The following ATP2C1 variants were observed in gnomAD, a reference collection of about 807,000 sequenced individuals.
The protein encoded by ATP2C1 is calcium-transporting ATPase type 2C member 1.
ATP2C1 carries 31 observed loss-of-function variants against 120.5 expected under a neutral mutation model. The observed-to-expected ratio is 0.26, with a 90% CI of 0.19 to 0.35. The LOEUF (loss-of-function observed/expected upper bound fraction) is 0.35, where lower values mean the gene tolerates loss of function less well. Among genes scored for constraint, ATP2C1 ranks in the 10% least tolerant of loss-of-function variants. The probability of loss-of-function intolerance (pLI) is 1.00; values close to 1 mark genes in which losing one functional copy is unlikely to be tolerated. For synonymous variants in ATP2C1, 351 were observed against 358.7 expected, an observed-to-expected ratio of 0.98 and a Z score of 0.24; for missense variants, 731 against 1,107.5, an observed-to-expected ratio of 0.66 and a Z score of 4.83.
intron 2 of ATP2C1, among the ~76,000 whole-genome samples, chr3:130,926,118 C>T (rs913709536): frequency 6.6e-6 from 1 of 152,112 alleles, no homozygotes; most frequent in Non-Finnish European, 1.5e-5. Context: ...CAGTGGTGAT[C>T]CAATTTCTTC....
intron 1 of ATP2C1, among the ~76,000 whole-genome samples, chr3:130,867,501 G>C (rs1387419712): frequency 6.7e-6 from 1 of 148,700 alleles, no homozygotes; most frequent in South Asian, 2.2e-4. Flanking sequence ...TGTGTTGGCC[G>C]GGCTGGTCTC....
intron 25 of ATP2C1, 124 bp downstream of exon 25, chr3:130,997,877 A>G (rs2062703852): frequency 3.1e-6 from 3 of 965,222 alleles, no homozygotes; most frequent in East Asian, 2.4e-5. Flanking sequence ...TGAAAAATAT[A>G]AGAACATTTT....
chr3:130,903,435 T>G (rs1028661228), intron 2 of ATP2C1, among the ~76,000 whole-genome samples: 1 of 152,008 alleles, frequency 6.6e-6, no homozygotes, highest in African/African-American at 2.4e-5. Flanking sequence ...GTTATTTAGG[T>G]CTGGAAGCAC....
chr3:130,941,104 A>G (rs768655088), intron 7 of ATP2C1, among the ~76,000 whole-genome samples: 2 of 151,510 alleles, frequency 1.3e-5, no homozygotes, highest in Non-Finnish European at 2.9e-5. Flanking sequence ...TTTAGTAGAG[A>G]CAGGTTTCAC....
At chr3:130,958,172 A>T (rs1458915893) in intron 11 of ATP2C1, among the ~76,000 whole-genome samples, 3 of 152,198 alleles carry the variant, frequency 2.0e-5, no homozygotes, top group Non-Finnish European at 4.4e-5. Flanking sequence ...TTAGTATATT[A>T]CATTGGACAT....
chr3:130,953,722 G>A, intron 8 of ATP2C1, 99 bp from the exon 9 acceptor site: 1 of 1,265,800 alleles, frequency 7.9e-7, no homozygotes, highest in Non-Finnish European at 1.2e-6. Context: ...CTAATCAATG[G>A]AAAAGGGATG....
chr3:130,933,458 T>C (rs974925144), intron 4 of ATP2C1, among the ~76,000 whole-genome samples: 1 of 152,174 alleles, frequency 6.6e-6, no homozygotes, highest in African/African-American at 2.4e-5. Flanking sequence ...CTTATAACAG[T>C]TCTTTGGTAT....
intron 2 of ATP2C1, among the ~76,000 whole-genome samples, chr3:130,900,212 A>G (rs1038293570): frequency 6.6e-6 from 1 of 152,010 alleles, no homozygotes; most frequent in Non-Finnish European, 1.5e-5. Context: ...ATAAGCACAC[A>G]TCACTATACC....
intron 8 of ATP2C1, among the ~76,000 whole-genome samples, chr3:130,944,072 A>G (rs927862848): frequency 1.3e-5 from 2 of 152,220 alleles, no homozygotes; most frequent in African/African-American, 4.8e-5. Context: ...GGATATCACT[A>G]ATTTCTTCCA....
intron 20 of ATP2C1, among the ~76,000 whole-genome samples, chr3:130,989,578 A>AC (rs1299152451): frequency 6.6e-6 from 1 of 151,948 alleles, no homozygotes; most frequent in Non-Finnish European, 1.5e-5. Flanking sequence ...AAAAAAAAAA[A>AC]AAAAACACAA....
intron 21 of ATP2C1, 75 bp downstream of exon 21, chr3:130,993,076 T>A: frequency 7.7e-7 from 1 of 1,301,508 alleles, no homozygotes; most frequent in Non-Finnish European, 1.1e-6. Context: ...ATGTTTGCAT[T>A]ACAGGGAGTA....
chr3:130,901,236 G>A (rs2057806203), intron 2 of ATP2C1, among the ~76,000 whole-genome samples: 1 of 152,114 alleles, frequency 6.6e-6, no homozygotes, highest in African/African-American at 2.4e-5. Flanking sequence ...AGTATCAGAT[G>A]AGAAATTCCA....
chr3:130,954,037 A>G, intron 9 of ATP2C1, 61 bp downstream of exon 9: 1 of 1,580,074 alleles, frequency 6.3e-7, no homozygotes, highest in Non-Finnish European at 8.7e-7. Flanking sequence ...TTTCTCAATT[A>G]TTTTTTGCTG....
intron 2 of ATP2C1, chr3:130,929,768 A>G (rs752571560): frequency 2.0e-4 from 32 of 156,308 alleles, no homozygotes; most frequent in Non-Finnish European, 3.3e-4. Context: ...ATGAAGCTGC[A>G]TCAAGTACGT....
At chr3:130,926,161 T>C (rs2059196282) in intron 2 of ATP2C1, among the ~76,000 whole-genome samples, 1 of 152,212 alleles carries the variant, frequency 6.6e-6, no homozygotes, top group Admixed American at 6.5e-5. Context: ...GCTTTCCTGG[T>C]TTGTTCCTGT....
chr3:130,883,055 T>C (rs2068836956), intron 1 of ATP2C1, among the ~76,000 whole-genome samples: 1 of 152,188 alleles, frequency 6.6e-6, no homozygotes, highest in Non-Finnish European at 1.5e-5. Flanking sequence ...TTGGATTTCT[T>C]CATGGTTCAA....
intron 7 of ATP2C1, among the ~76,000 whole-genome samples, chr3:130,941,254 G>GTGTC (rs1553764240): frequency 2.2e-4 from 33 of 149,514 alleles, no homozygotes; most frequent in African/African-American, 8.1e-4. Flanking sequence ...GTGTGTGTGT[G>GTGTC]TGTGTGTGTG....
Position 131,001,312 on chromosome 3 carries a change from C to T in ATP2C1, c.2722C>T (p.His908Tyr), listed in dbSNP as rs1294703253. 4.3e-6 allele frequency: 7 copies of T among 1,613,362 alleles called. No individual in the cohort carries two copies. In the East Asian group the frequency reaches 1.6e-4, roughly 36 times the overall value. ...VERSREKIQK[H>Y]VSSTSSSFLE... ...AAGGAGCAGGGAAAAGATCCAGAAGCATGTTAGTTCGACATCATCATCTTT... is the reference window on the plus strand; with the variant it reads ...AAGGAGCAGGGAAAAGATCCAGAAGTATGTTAGTTCGACATCATCATCTTT... Residue 908 changes from histidine (H) to tyrosine (Y), a missense_variant, in exon 28 of 28, where the codon CAT (histidine) becomes TAT (tyrosine). Physicochemically the swap from His to Tyr is moderately conservative, Grantham distance 83 (BLOSUM62 2). Around this residue, in one of 3 missense-constraint regions of ATP2C1, gnomAD observed 141 missense variants for 201.6 expected, o/e 0.70. Transcript: ENST00000510168.
chr3:130,902,010 T>G (rs1277549567), intron 2 of ATP2C1, among the ~76,000 whole-genome samples: 2 of 151,966 alleles, frequency 1.3e-5, no homozygotes, highest in Non-Finnish European at 2.9e-5. Flanking sequence ...CCCGCCACCC[T>G]CAAAATTTTT....
Sources: gnomAD v4.1 joint callset for allele counts (sites outside exome capture counted in the v4.1 genomes callset) on GRCh38, gnomAD v4.1.1 for gene constraint, gnomAD v4.1.1 regional missense constraint, MANE v1.5 for transcripts, NCBI Gene and HGNC (gene_info 2026-07-23, HGNC 2026-07-21) for gene names.